Variants in PGAP4 observed in about 807,000 individuals in gnomAD.
PGAP4 encodes the protein GPI-N-acetylgalactosamine transferase PGAP4.
Under a neutral mutation model 28.2 loss-of-function variants are expected in PGAP4, and 12 were observed. The observed-to-expected ratio is 0.42, with a 90% confidence interval of 0.27 to 0.69. The LOEUF is 0.69. Among genes scored for constraint, PGAP4 ranks in the 30% least tolerant of loss-of-function variants. The pLI is 0.22. For synonymous variants in PGAP4, 205 were observed against 211.8 expected (o/e 0.97, Z 0.28); for missense variants, 425 against 513.5 (o/e 0.83, Z 1.67).
At chr9:101,518,496 T>C (rs1352842216) in intron 2 of PGAP4, among the ~76,000 whole-genome samples, 1 of 152,212 alleles carries the variant, frequency 6.6e-6, no homozygotes, top group African/African-American at 2.4e-5. Context: ...GTTTCATAGC[T>C]TAGCTCCCAC....
At chr9:101,532,506 T>C (rs180987599) in intron 1 of PGAP4, among the ~76,000 whole-genome samples, 4 of 152,320 alleles carry the variant, frequency 2.6e-5, no homozygotes, top group African/African-American at 9.6e-5. Flanking sequence ...GCATAACTGT[T>C]GGCTAAATGC....
rs139151479 is a variant in PGAP4 at position 101,513,932 on chromosome 9, C to T, written c.-165+17416G>A. 1.8e-3 allele frequency among the ~76,000 whole-genome samples: 275 copies of T among 152,122 alleles called. 1 individual carries two copies. Among genetic ancestry groups the T allele is most frequent in the Non-Finnish European group, 3.2e-3 (219 of 67,980 alleles). On this transcript the variant is annotated intron_variant, in intron 2 of 3. Coordinates refer to the PGAP4 transcript ENST00000374851. ...GTCCTGGAGTTCCAAATCTGGAGAG[C>T]CTGGAGTTCTGATGTCCAAGGGCAG...
intron 2 of PGAP4, chr9:101,501,510 A>G (rs1443386330): frequency 6.2e-6 from 2 of 320,356 alleles, no homozygotes; most frequent in Admixed American, 7.9e-5. Context: ...AATCAGTGTA[A>G]TCTCCCTAGT....
At chr9:101,492,434 C>T (rs1026319973) in intron 2 of PGAP4, among the ~76,000 whole-genome samples, 1 of 152,066 alleles carries the variant, frequency 6.6e-6, no homozygotes, top group African/African-American at 2.4e-5. Flanking sequence ...CCTCGTGATC[C>T]GCCCGCCCGG....
At chr9:101,509,098 C>A (rs1173355434) in intron 2 of PGAP4, among the ~76,000 whole-genome samples, 1 of 152,172 alleles carries the variant, frequency 6.6e-6, no homozygotes, top group Non-Finnish European at 1.5e-5. Context: ...AGTCAATTCA[C>A]CTGGCTTATT....
intron 2 of PGAP4, among the ~76,000 whole-genome samples, chr9:101,504,715 T>A (rs189735617): frequency 6.6e-6 from 1 of 152,210 alleles, no homozygotes; most frequent in East Asian, 1.9e-4. Flanking sequence ...TTGCAGTAAA[T>A]GGCAGTTACT....
chr9:101,484,175 C>T (rs561127991), intron 1 of PGAP4, among the ~76,000 whole-genome samples: 2 of 149,972 alleles, frequency 1.3e-5, no homozygotes, highest in East Asian at 3.9e-4. Context: ...GTTTTGTATG[C>T]AGTAGGAAGA....
At chr9:101,527,744 A>G (rs1192907902) in intron 2 of PGAP4, among the ~76,000 whole-genome samples, 1 of 152,244 alleles carries the variant, frequency 6.6e-6, no homozygotes, top group Non-Finnish European at 1.5e-5. Context: ...ATACTTACAA[A>G]TTAAATATAA....
rs1276106733 is a variant in PGAP4 at position 101,474,049 on chromosome 9, T to C, written c.*1832A>G. ...CATCTTAGCTTACAGAGACATGATC[T>C]AGTTCAGCTTATACTCAGATTTTAC... On this transcript the variant is annotated 3_prime_UTR_variant, in exon 2 of 2. Coordinates refer to ENST00000374848, the MANE Select transcript of PGAP4 (RefSeq NM_032342.3). 6.6e-6 allele frequency: 1 copy of C among 152,218 alleles called. No homozygotes were observed. The highest frequency in any genetic ancestry group is 1.5e-5 in the Non-Finnish European group (1 of 68,036). The allele number at this position is 152,218 out of a possible 1,614,324, so 9.4% of individuals were successfully genotyped here.
chr9:101,493,567 T>C (rs1826711003), intron 2 of PGAP4, among the ~76,000 whole-genome samples: 1 of 152,162 alleles, frequency 6.6e-6, no homozygotes, highest in African/African-American at 2.4e-5. Context: ...GCAGAAGCCA[T>C]TGATTGTGAA....
intron 2 of PGAP4, among the ~76,000 whole-genome samples, chr9:101,519,988 G>C (rs766015763): frequency 3.9e-5 from 6 of 151,940 alleles, no homozygotes; most frequent in Non-Finnish European, 7.4e-5. Context: ...TCCTTTCCCT[G>C]CTTTTATGTT....
At chr9:101,508,656 A>G (rs1269058404) in intron 2 of PGAP4, among the ~76,000 whole-genome samples, 1 of 152,128 alleles carries the variant, frequency 6.6e-6, no homozygotes, top group Non-Finnish European at 1.5e-5. Flanking sequence ...TTCTCCACAG[A>G]CAGGGTCGGG....
At chr9:101,495,563 A>T (rs1477739837) in intron 2 of PGAP4, among the ~76,000 whole-genome samples, 2 of 146,624 alleles carry the variant, frequency 1.4e-5, no homozygotes, top group Non-Finnish European at 3.0e-5. Flanking sequence ...AACCTAGGGA[A>T]ACCTACCAAA....
chr9:101,494,964 TAACA>T (rs1046600646), intron 2 of PGAP4, among the ~76,000 whole-genome samples: 15 of 149,716 alleles, frequency 1.0e-4, no homozygotes, highest in Non-Finnish European at 1.5e-4. Context: ...AAGATTAATA[TAACA>T]AACAAATTAT....
chr9:101,514,044 A>G (rs1038339343), intron 2 of PGAP4, among the ~76,000 whole-genome samples: 4 of 150,384 alleles, frequency 2.7e-5, no homozygotes, highest in Non-Finnish European at 3.0e-5. Context: ...CCCCCAGTTG[A>G]TTGGATGGTG....
chr9:101,494,257 A>C (rs1826716719), intron 2 of PGAP4, among the ~76,000 whole-genome samples: 1 of 151,938 alleles, frequency 6.6e-6, no homozygotes, highest in African/African-American at 2.4e-5. Context: ...TTTGTTTATA[A>C]AGAGAGAGCA....
intron 2 of PGAP4, among the ~76,000 whole-genome samples, chr9:101,497,122 A>T (rs941274855): frequency 3.3e-5 from 5 of 150,996 alleles, no homozygotes; most frequent in Admixed American, 2.6e-4. Context: ...AACAATTTTT[A>T]AATTTTATTT....
intron 2 of PGAP4, among the ~76,000 whole-genome samples, chr9:101,514,462 T>C (rs182994900): frequency 7.9e-5 from 12 of 152,302 alleles, no homozygotes; most frequent in Non-Finnish European, 1.3e-4. Context: ...ATAAGTCAGA[T>C]TAAACATCAT....
chr9:101,475,710 G>T lies in PGAP4; in HGVS notation c.*171C>A, dbSNP rs986291655. 1.4e-6 allele frequency: 1 copy of T among 698,386 alleles called. No individual in the cohort carries two copies. Among genetic ancestry groups the T allele is most frequent in the Non-Finnish European group, 2.4e-6 (1 of 424,392 alleles). 43.3% of individuals were successfully genotyped at this position (698,386 alleles called of 1,614,324 possible). ...TGGCAAACTGCTGCTCCTGCCAGGAGGCTACCAAAGCCAAGGCTCTTAACA... is the reference window on the plus strand; with the variant it reads ...TGGCAAACTGCTGCTCCTGCCAGGATGCTACCAAAGCCAAGGCTCTTAACA... On this transcript the variant is annotated 3_prime_UTR_variant, in exon 2 of 2. Coordinates refer to ENST00000374848, the MANE Select transcript of PGAP4 (RefSeq NM_032342.3).
Sources: gnomAD v4.1 joint callset for allele counts (sites outside exome capture counted in the v4.1 genomes callset) on GRCh38, gnomAD v4.1.1 for gene constraint, MANE v1.5 for transcripts, NCBI Gene and HGNC (gene_info 2026-07-23, HGNC 2026-07-21) for gene names.